Variants in RGMA observed in about 807,000 individuals in gnomAD.
The protein encoded by RGMA is repulsive guidance molecule BMP co-receptor a, also known as repulsive guidance molecule A.
Under a neutral mutation model 23.2 loss-of-function variants are expected in RGMA, and 10 were observed. The observed-to-expected ratio is 0.43, with a 90% confidence interval of 0.27 to 0.73. RGMA has a LOEUF of 0.73. Ranked by LOEUF, RGMA falls within the 30% of genes least tolerant of loss-of-function variation. The probability of loss-of-function intolerance (pLI) is 0.20; values close to 1 mark genes in which losing one functional copy is unlikely to be tolerated. For synonymous variants in RGMA, 308 were observed against 279.3 expected, an observed-to-expected ratio of 1.10 and a Z score of -1.03; for missense variants, 547 against 630.5, an observed-to-expected ratio of 0.87 and a Z score of 1.42.
At chr15:93,067,177 TTTTTA>T (rs1209363139) in intron 2 of RGMA, among the ~76,000 whole-genome samples, 1 of 152,256 alleles carries the variant, frequency 6.6e-6, no homozygotes, top group African/African-American at 2.4e-5. Context: ...TTTTGGGTTA[TTTTTA>T]TTTTATTACT....
Position 93,036,605 on chromosome 15 carries a change from A to G in RGMA, c.*8393T>C, listed in dbSNP as rs1301103469. ...TGAGCCCCTCCTCAGTCAGCCTCCCAGTGGGGGCCTGGCCCCACCCTCTGC... is the reference window on the plus strand; with the variant it reads ...TGAGCCCCTCCTCAGTCAGCCTCCCGGTGGGGGCCTGGCCCCACCCTCTGC... On this transcript the variant is annotated 3_prime_UTR_variant, in exon 4 of 4. Transcript: ENST00000329082. 6.6e-6 allele frequency: 1 copy of G among 152,474 alleles called. No homozygotes were observed. The allele number at this position is 152,474 out of a possible 1,614,324, so 9.4% of individuals were successfully genotyped here. A position where few individuals can be genotyped will look rare whatever the true frequency, so the allele number is the denominator to read the frequency against.
chr15:93,077,235 G>C (rs1303049807), intron 1 of RGMA, among the ~76,000 whole-genome samples: 1 of 152,220 alleles, frequency 6.6e-6, no homozygotes, highest in Non-Finnish European at 1.5e-5. Flanking sequence ...GCCTCAAGAA[G>C]GGGAGGGATT....
At chr15:93,046,708 G>A (rs961009982) in intron 3 of RGMA, among the ~76,000 whole-genome samples, 5 of 152,166 alleles carry the variant, frequency 3.3e-5, no homozygotes, top group African/African-American at 7.2e-5. Context: ...GCTGCTGAAA[G>A]GGGTCCCCAA....
chr15:93,086,533 C>T (rs1895637363), intron 1 of RGMA, among the ~76,000 whole-genome samples: 1 of 152,150 alleles, frequency 6.6e-6, no homozygotes, highest in Non-Finnish European at 1.5e-5. Flanking sequence ...GGGGGAAAAA[C>T]GCACTTTAGA....
rs1385204541 is a variant in RGMA, at chr15:93,045,954, G to A, written c.646-249C>T. 6.6e-6 allele frequency among the ~76,000 whole-genome samples: 1 copy of A among 152,156 alleles called. No individual in the cohort carries two copies. The highest frequency in any genetic ancestry group is 2.4e-5 in the African/African-American group (1 of 41,438). On this transcript the variant is annotated intron_variant, in intron 3 of 3. Coordinates refer to ENST00000329082, the MANE Select transcript of RGMA (RefSeq NM_020211.3). The surrounding 1 kb of genome is among the most constrained non-coding windows in gnomAD (Gnocchi z 6.9). ...GAAAAATGTTAGACCACTACCCTAAGTAGAAAACTAGCTCTTTTACTATAT... is the reference window on the plus strand; with the variant it reads ...GAAAAATGTTAGACCACTACCCTAAATAGAAAACTAGCTCTTTTACTATAT...
chr15:93,041,599 G>A lies in RGMA; in HGVS notation c.*3399C>T, dbSNP rs2054724443. ...TGCCATTTAGCATTTTCGTCTAGTA[G>A]AGATTTCTTTTTTCTTTTTCTTCTG... On this transcript the variant is annotated 3_prime_UTR_variant, in exon 4 of 4. Coordinates refer to ENST00000329082, the MANE Select transcript of RGMA (RefSeq NM_020211.3). 1 of 151,078 alleles carries A rather than the reference G, an allele frequency of 6.6e-6. No homozygotes were observed. Among genetic ancestry groups the A allele is most frequent in the Admixed American group, 6.6e-5 (1 of 15,256 alleles). The allele number at this position is 151,078 out of a possible 1,614,324, so 9.4% of individuals were successfully genotyped here. A position where few individuals can be genotyped will look rare whatever the true frequency, so the allele number is the denominator to read the frequency against.
chr15:93,053,082 G>A (rs778736296), intron 2 of RGMA, among the ~76,000 whole-genome samples: 17 of 152,164 alleles, frequency 1.1e-4, no homozygotes, highest in Non-Finnish European at 2.4e-4. Flanking sequence ...AATGAACGTC[G>A]CCTGGTATGA....
At chr15:93,046,255 G>A (rs1455039346) in intron 3 of RGMA, among the ~76,000 whole-genome samples, 1 of 152,168 alleles carries the variant, frequency 6.6e-6, no homozygotes, top group East Asian at 1.9e-4. Flanking sequence ...AACTAGGACA[G>A]AGGAGAAGGT....
intron 3 of RGMA, among the ~76,000 whole-genome samples, chr15:93,050,506 G>C (rs767711144): frequency 1.3e-5 from 2 of 152,214 alleles, no homozygotes; most frequent in Non-Finnish European, 2.9e-5. Flanking sequence ...GGTTGCAGCA[G>C]AAATGGGCTG....
chr15:93,071,019 C>T (rs895413769), intron 2 of RGMA, among the ~76,000 whole-genome samples: 2 of 152,202 alleles, frequency 1.3e-5, no homozygotes, highest in Non-Finnish European at 2.9e-5. Context: ...TTCCTTTCCT[C>T]TCCAGCCCCA....
At chr15:93,054,661 C>A (rs1056732469) in intron 2 of RGMA, among the ~76,000 whole-genome samples, 1 of 152,190 alleles carries the variant, frequency 6.6e-6, no homozygotes, top group Non-Finnish European at 1.5e-5. Context: ...ATAAATTACC[C>A]AGTCTTGGGT....
At chr15:93,066,706 TAG>T (rs916039428) in intron 2 of RGMA, 2 of 361,368 alleles carry the variant, frequency 5.5e-6, no homozygotes, top group African/African-American at 2.2e-5. Flanking sequence ...ATATTTTTGG[TAG>T]AGACAGGTTG....
At chr15:93,067,386 G>A (rs1378821765) in intron 2 of RGMA, among the ~76,000 whole-genome samples, 5 of 152,194 alleles carry the variant, frequency 3.3e-5, no homozygotes, top group African/African-American at 1.2e-4. Flanking sequence ...CTATGTGGGT[G>A]TGCTTGGGGT....
intron 3 of RGMA, among the ~76,000 whole-genome samples, chr15:93,046,316 ATGCTGG>A (rs1371389364): frequency 1.1e-4 from 17 of 152,122 alleles, no homozygotes; most frequent in African/African-American, 4.1e-4. Context: ...AAACCAAGGG[ATGCTGG>A]CAACCACCAA....
At chr15:93,055,049 G>A (rs2054991611) in intron 2 of RGMA, among the ~76,000 whole-genome samples, 1 of 152,142 alleles carries the variant, frequency 6.6e-6, no homozygotes, top group Non-Finnish European at 1.5e-5. Context: ...TGGCGCGGTG[G>A]CCTACACACA....
chr15:93,054,666 T>TTTATC (rs1023303504), intron 2 of RGMA, among the ~76,000 whole-genome samples: 1 of 152,216 alleles, frequency 6.6e-6, no homozygotes, highest in Non-Finnish European at 1.5e-5. Context: ...TTACCCAGTC[T>TTTATC]TGGGTATGTC....
intron 1 of RGMA, among the ~76,000 whole-genome samples, chr15:93,077,441 T>C (rs1895490712): frequency 6.6e-6 from 1 of 152,222 alleles, no homozygotes; most frequent in Non-Finnish European, 1.5e-5. Context: ...ATGCCCTCCT[T>C]GCTGCTGGCA....
At chr15:93,058,611 T>C (rs2055050988) in intron 2 of RGMA, among the ~76,000 whole-genome samples, 1 of 152,208 alleles carries the variant, frequency 6.6e-6, no homozygotes, top group Non-Finnish European at 1.5e-5. Context: ...GACCCAGGAC[T>C]GACTTGTTAT....
Position 93,044,669 on chromosome 15 carries a change from T to G in RGMA, c.*329A>C. On this transcript the variant is annotated 3_prime_UTR_variant, in exon 4 of 4. Transcript: ENST00000329082. ...ATTGCGAGGGGGAAGGAGCTGACTCTGACGGTTCCCAGTGTGTCTCTGGTG... is the reference window on the plus strand; with the variant it reads ...ATTGCGAGGGGGAAGGAGCTGACTCGGACGGTTCCCAGTGTGTCTCTGGTG... The G allele has an allele frequency of 2.6e-6, 1 of 385,736 alleles. No individual in the cohort carries two copies. The highest frequency in any genetic ancestry group is 4.7e-6 in the Non-Finnish European group (1 of 214,630). The allele number at this position is 385,736 out of a possible 1,614,324, so 23.9% of individuals were successfully genotyped here. A position where few individuals can be genotyped will look rare whatever the true frequency, so the allele number is the denominator to read the frequency against.
Sources: gnomAD v4.1 joint callset for allele counts (sites outside exome capture counted in the v4.1 genomes callset) on GRCh38, gnomAD v4.1.1 for gene constraint, Gnocchi (gnomAD v3.1) non-coding constraint, MANE v1.5 for transcripts, NCBI Gene and HGNC (gene_info 2026-07-23, HGNC 2026-07-21) for gene names.